CPA6: variants seen among roughly 807,000 people sequenced by gnomAD.
CPA6 encodes carboxypeptidase A6, also known as carboxypeptidase B.
A neutral mutation model predicts 63.3 loss-of-function variants in CPA6; 58 were observed. The ratio of observed to expected loss-of-function variants is 0.92; its 90% CI spans 0.74 to 1.14. The LOEUF (loss-of-function observed/expected upper bound fraction) is 1.14, where lower values mean the gene tolerates loss of function less well. Among genes scored for constraint, CPA6 ranks in the 50% most tolerant of loss-of-function variants. CPA6 has a pLI of 0.00. For synonymous variants in CPA6, 185 were observed against 179.0 expected, an observed-to-expected ratio of 1.03 and a Z score of -0.27; for missense variants, 565 against 526.6, an observed-to-expected ratio of 1.07 and a Z score of -0.71.
Position 67,497,699 on chromosome 8 carries a change from T to C in CPA6, c.636+9088A>G, listed in dbSNP as rs528408431. Reference sequence around the variant, plus strand: ...TTTAACTTGGTAGTTTCCTCTACTTTTTTTTTTTTTGAAATGGGGTCTTGC... The same window carrying C: ...TTTAACTTGGTAGTTTCCTCTACTTCTTTTTTTTTTGAAATGGGGTCTTGC... On this transcript the variant is annotated intron_variant, in intron 6 of 10. Coordinates refer to ENST00000297770, the MANE Select transcript of CPA6 (RefSeq NM_020361.5). 8.7e-4 allele frequency among the ~76,000 whole-genome samples: 132 copies of C among 151,810 alleles called. 3 individuals are homozygous for C. In the South Asian group the frequency reaches 0.026, roughly 30 times the overall value.
chr8:67,638,791 C>CT (rs1176431749), intron 1 of CPA6, among the ~76,000 whole-genome samples: 3 of 151,624 alleles, frequency 2.0e-5, no homozygotes, highest in Non-Finnish European at 2.9e-5. Context: ...AAATCTCCCT[C>CT]TGTCCTCAGT....
intron 10 of CPA6, 74 bp from the exon 11 acceptor site, chr8:67,422,765 T>A: frequency 1.8e-6 from 2 of 1,091,750 alleles, no homozygotes; most frequent in Non-Finnish European, 1.3e-6. Context: ...GTATATACTA[T>A]AAAGTATCCG....
At chr8:67,448,664 G>GAAAAAAAAAA (rs1810487222) in intron 8 of CPA6, among the ~76,000 whole-genome samples, 6 of 66,444 alleles carry the variant, frequency 9.0e-5, no homozygotes, top group African/African-American at 1.7e-4. Flanking sequence ...AGGAAAGAAC[G>GAAAAAAAAAA]AAAAAGAAAA....
intron 8 of CPA6, among the ~76,000 whole-genome samples, chr8:67,457,724 TG>T (rs1723789897): frequency 6.6e-6 from 1 of 152,160 alleles, no homozygotes; most frequent in South Asian, 2.1e-4. Context: ...ATTGGCTCCT[TG>T]TGGGCAACAT....
Position 67,480,004 on chromosome 8 carries a change from G to A in CPA6, c.838+3764C>T, listed in dbSNP as rs370451806. On this transcript the variant is annotated intron_variant, in intron 8 of 10. Transcript: ENST00000297770. The stretch of plus-strand genomic sequence containing the variant: ...TTTTTGGATAGAGTGGGAGGGTGGT[G>A]GTCGGAAAAGGGCATATATAGAGAG... 7.2e-5 allele frequency among the ~76,000 whole-genome samples: 11 copies of A among 151,744 alleles called. No homozygotes were observed. In the South Asian group the frequency reaches 1.5e-3, roughly 20 times the overall value.
intron 7 of CPA6, among the ~76,000 whole-genome samples, chr8:67,484,069 C>CTTT (rs1210698494): frequency 6.0e-5 from 8 of 133,656 alleles, no homozygotes; most frequent in African/African-American, 2.2e-4. Context: ...TGTATTTTGC[C>CTTT]TTCTCTTTTT....
rs144989998 is a variant in CPA6, at chr8:67,737,511, G to A, written c.116+8503C>T. 2.6e-4 allele frequency among the ~76,000 whole-genome samples: 39 copies of A among 152,078 alleles called. 1 individual carries two copies. The Middle Eastern group carries it at 0.01, about 40-fold the overall frequency. On this transcript the variant is annotated intron_variant, in intron 1 of 10. Transcript: ENST00000297770. ...TCTCTGGCCTTCTGTCCATTCTTCA[G>A]TCTGGGTTAGGTGACCCTCTCCTGC...
At chr8:67,441,639 A>G (rs184369140) in intron 8 of CPA6, among the ~76,000 whole-genome samples, 3 of 152,334 alleles carry the variant, frequency 2.0e-5, no homozygotes, top group Non-Finnish European at 4.4e-5. Context: ...AAACTAGTAG[A>G]CCAATGGAAC....
At chr8:67,728,157 CA>C in intron 1 of CPA6, among the ~76,000 whole-genome samples, 1 of 149,902 alleles carries the variant, frequency 6.7e-6, no homozygotes, top group Non-Finnish European at 1.5e-5. Flanking sequence ...CAAAACAAAA[CA>C]AAACAAACTA....
At chr8:67,705,261 C>T (rs1324549431) in intron 1 of CPA6, among the ~76,000 whole-genome samples, 1 of 152,170 alleles carries the variant, frequency 6.6e-6, no homozygotes, top group African/African-American at 2.4e-5. Context: ...ACAGAATCCC[C>T]ACCCCCGATG....
At chr8:67,456,158 G>A (rs747967478) in intron 8 of CPA6, among the ~76,000 whole-genome samples, 6 of 152,178 alleles carry the variant, frequency 3.9e-5, no homozygotes, top group South Asian at 2.1e-4. Context: ...AGTAATAACC[G>A]TTGTGTAACT....
chr8:67,591,061 T>C (rs1460270390), intron 2 of CPA6, among the ~76,000 whole-genome samples: 2 of 150,596 alleles, frequency 1.3e-5, no homozygotes, highest in African/African-American at 4.8e-5. Flanking sequence ...TTAATTTTTG[T>C]ATAAGGTGTA....
Position 67,591,044 on chromosome 8 carries a change from T to C in CPA6, c.192+33132A>G, listed in dbSNP as rs1012908026. 2.6e-3 allele frequency among the ~76,000 whole-genome samples: 394 copies of C among 151,048 alleles called. 2 individuals are homozygous for C. Among genetic ancestry groups the C allele is most frequent in the African/African-American group, 9.1e-3 (379 of 41,444 alleles). On this transcript the variant is annotated intron_variant, in intron 2 of 10. Transcript: ENST00000297770. ...GTCTAACATTTAAGTCTTTAATCCA[T>C]CTTGAATTAATTTTTGTATAAGGTG... is the stretch of plus-strand genomic sequence containing the variant.
chr8:67,528,997 C>T (rs1812422757), intron 2 of CPA6, among the ~76,000 whole-genome samples: 1 of 150,730 alleles, frequency 6.6e-6, no homozygotes, highest in African/African-American at 2.4e-5. Context: ...TTGCAATAAT[C>T]CTTTTCAATA....
At chr8:67,629,873 G>C (rs924670195) in intron 1 of CPA6, among the ~76,000 whole-genome samples, 9 of 152,044 alleles carry the variant, frequency 5.9e-5, no homozygotes, top group Non-Finnish European at 1.0e-4. Flanking sequence ...TTGGGAGGCC[G>C]AGGCGGGTGG....
intron 1 of CPA6, among the ~76,000 whole-genome samples, chr8:67,681,227 G>C (rs1397788180): frequency 1.9e-5 from 1 of 52,844 alleles, no homozygotes; most frequent in Non-Finnish European, 3.3e-5. Flanking sequence ...TTTTGAGACG[G>C]AGTCTCGCTC....
intron 1 of CPA6, among the ~76,000 whole-genome samples, chr8:67,676,578 A>C (rs1262682376): frequency 1.3e-5 from 2 of 152,222 alleles, no homozygotes; most frequent in East Asian, 3.9e-4. Flanking sequence ...ACTCAGCTGC[A>C]CTATAAAACT....
chr8:67,486,607 C>G (rs1016772045), intron 6 of CPA6, among the ~76,000 whole-genome samples: 1 of 152,050 alleles, frequency 6.6e-6, no homozygotes, highest in Non-Finnish European at 1.5e-5. Context: ...GATTTTCTTT[C>G]GTATTTTGTC....
chr8:67,508,832 A>T (rs2128965208), intron 5 of CPA6, among the ~76,000 whole-genome samples: 1 of 152,254 alleles, frequency 6.6e-6, no homozygotes, highest in African/African-American at 2.4e-5. Flanking sequence ...GATGAATGAG[A>T]ATAATACATA....
Sources: gnomAD v4.1 joint callset for allele counts (sites outside exome capture counted in the v4.1 genomes callset) on GRCh38, gnomAD v4.1.1 for gene constraint, MANE v1.5 for transcripts, NCBI Gene and HGNC (gene_info 2026-07-23, HGNC 2026-07-21) for gene names.